SMOC2: variants seen among roughly 807,000 people sequenced by gnomAD.
The protein encoded by SMOC2 is SPARC related modular calcium binding 2.
SMOC2 carries 39 observed loss-of-function variants against 61.4 expected under a neutral mutation model. The ratio of observed to expected loss-of-function variants is 0.64; its 90% CI spans 0.49 to 0.83. The LOEUF (loss-of-function observed/expected upper bound fraction) is 0.83, where lower values mean the gene tolerates loss of function less well. Ranked by LOEUF, SMOC2 falls within the 40% of genes least tolerant of loss-of-function variation. The pLI, the probability that SMOC2 is intolerant of heterozygous loss-of-function variation, is 0.00. For missense variants in SMOC2, 556 were observed against 592.9 expected, an observed-to-expected ratio of 0.94 and a Z score of 0.65; for synonymous variants, 247 against 239.9, an observed-to-expected ratio of 1.03 and a Z score of -0.27.
intron 2 of SMOC2, among the ~76,000 whole-genome samples, chr6:168,523,736 C>T (rs73791055): frequency 0.075 from 11,331 of 152,008 alleles, 608 homozygotes; most frequent in East Asian, 0.27. Flanking sequence ...TGCTTATGTT[C>T]TGGGGATTTA....
chr6:168,469,129 A>G (rs1781912046), intron 1 of SMOC2, among the ~76,000 whole-genome samples: 1 of 152,198 alleles, frequency 6.6e-6, no homozygotes, highest in African/African-American at 2.4e-5. Flanking sequence ...ACTGGCCAAC[A>G]TGGCCCTTCT....
rs1784970052 is a variant in SMOC2, at chr6:168,583,480, G to A, written c.638-15338G>A. 2.6e-5 allele frequency among the ~76,000 whole-genome samples: 4 copies of A among 152,250 alleles called. No individual in the cohort carries two copies. The South Asian group carries it at 8.3e-4, about 31-fold the overall frequency. ...GATGAACGCACAATGTCTGTGTATTGGGTGTTTGCTTCTCAGGCATCTGCT... is the reference window on the plus strand; with the variant it reads ...GATGAACGCACAATGTCTGTGTATTAGGTGTTTGCTTCTCAGGCATCTGCT... On this transcript the variant is annotated intron_variant, in intron 7 of 12. Transcript: ENST00000356284.
chr6:168,622,976 C>A, intron 9 of SMOC2, among the ~76,000 whole-genome samples: 1 of 152,076 alleles, frequency 6.6e-6, no homozygotes, highest in East Asian at 1.9e-4. Context: ...TTAGTGCACA[C>A]TGGGAAGGGC....
chr6:168,514,338 T>C (rs1203716412), intron 2 of SMOC2, among the ~76,000 whole-genome samples: 3 of 152,096 alleles, frequency 2.0e-5, no homozygotes, highest in African/African-American at 7.2e-5. Context: ...GAAGTCTTGC[T>C]TCATTGGCTA....
At chr6:168,618,092 G>A (rs1219754532) in intron 9 of SMOC2, among the ~76,000 whole-genome samples, 1 of 152,276 alleles carries the variant, frequency 6.6e-6, no homozygotes, top group East Asian at 1.9e-4. Context: ...CCGCAAGGCT[G>A]CCTGCATGGG....
At chr6:168,547,052 T>C in intron 5 of SMOC2, 67 bp from the exon 6 acceptor site, 1 of 1,599,620 alleles carries the variant, frequency 6.3e-7, no homozygotes, top group Non-Finnish European at 8.6e-7. Flanking sequence ...TCCACCCGTA[T>C]GCACACTTAC....
chr6:168,496,550 G>T (rs1252384135), intron 1 of SMOC2, among the ~76,000 whole-genome samples: 2 of 152,198 alleles, frequency 1.3e-5, no homozygotes, highest in South Asian at 4.1e-4. Context: ...AGTTGCAGAC[G>T]GGACCAATCG....
At chr6:168,498,090 ATT>A (rs1782636533) in intron 1 of SMOC2, among the ~76,000 whole-genome samples, 2 of 152,082 alleles carry the variant, frequency 1.3e-5, no homozygotes, top group Non-Finnish European at 2.9e-5. Context: ...TCTCGGACAT[ATT>A]GTTTCCAGCA....
At chr6:168,620,775 G>A (rs1178718935) in intron 9 of SMOC2, among the ~76,000 whole-genome samples, 1 of 152,174 alleles carries the variant, frequency 6.6e-6, no homozygotes, top group Non-Finnish European at 1.5e-5. Flanking sequence ...CAATTATCCA[G>A]GTTGGATATT....
chr6:168,566,784 C>A (rs1238434786), intron 7 of SMOC2, among the ~76,000 whole-genome samples: 1 of 152,180 alleles, frequency 6.6e-6, no homozygotes, highest in Non-Finnish European at 1.5e-5. Context: ...CAGGCATGAG[C>A]CACTGTGCCC....
chr6:168,637,158 A>C (rs1283303213), intron 9 of SMOC2, among the ~76,000 whole-genome samples: 4 of 152,074 alleles, frequency 2.6e-5, no homozygotes. Context: ...AGTAGTTTGA[A>C]AGCCAGCATG....
chr6:168,518,431 A>C (rs981910494), intron 2 of SMOC2, among the ~76,000 whole-genome samples: 4 of 146,226 alleles, frequency 2.7e-5, no homozygotes, highest in Admixed American at 1.4e-4. Context: ...ATGAGTGTGC[A>C]TGTGTGACTG....
chr6:168,570,657 A>G (rs1202769119), intron 7 of SMOC2, among the ~76,000 whole-genome samples: 1 of 152,202 alleles, frequency 6.6e-6, no homozygotes, highest in East Asian at 1.9e-4. Context: ...CAAGATATGT[A>G]GGAAATTTTT....
chr6:168,586,267 G>A (rs949253066), intron 7 of SMOC2, among the ~76,000 whole-genome samples: 2 of 151,814 alleles, frequency 1.3e-5, no homozygotes, highest in African/African-American at 4.8e-5. Flanking sequence ...AATTGTTTTG[G>A]TGCCTCATCA....
chr6:168,534,431 G>A (rs1449324635), intron 4 of SMOC2, among the ~76,000 whole-genome samples: 2 of 152,234 alleles, frequency 1.3e-5, no homozygotes, highest in Non-Finnish European at 2.9e-5. Flanking sequence ...AGGTCCCTGC[G>A]TCTGCCAGGG....
chr6:168,495,660 C>T (rs180684864), intron 1 of SMOC2, among the ~76,000 whole-genome samples: 48 of 152,212 alleles, frequency 3.2e-4, no homozygotes, highest in African/African-American at 1.0e-3. Context: ...CTCAGGCCTG[C>T]GTCTGCCACT....
At chr6:168,528,998 T>G (rs1215318167) in intron 4 of SMOC2, among the ~76,000 whole-genome samples, 1 of 152,194 alleles carries the variant, frequency 6.6e-6, no homozygotes, top group Non-Finnish European at 1.5e-5. Flanking sequence ...GCAGTGGGGA[T>G]AGGGGCATCT....
chr6:168,646,904 A>G (rs928088630), intron 9 of SMOC2, among the ~76,000 whole-genome samples: 2 of 152,228 alleles, frequency 1.3e-5, no homozygotes, highest in Admixed American at 1.3e-4. Context: ...TACTCCCTTC[A>G]TTGTTTTGCC....
At chr6:168,534,593 C>T (rs114928498) in intron 4 of SMOC2, among the ~76,000 whole-genome samples, 2,615 of 152,338 alleles carry the variant, frequency 0.017, 81 homozygotes, top group African/African-American at 0.06. Context: ...TTGAGTTATT[C>T]ACAACTATTC....
Sources: gnomAD v4.1 joint callset for allele counts (sites outside exome capture counted in the v4.1 genomes callset) on GRCh38, gnomAD v4.1.1 for gene constraint, MANE v1.5 for transcripts, NCBI Gene and HGNC (gene_info 2026-07-23, HGNC 2026-07-21) for gene names.